Variants in SNX24 observed in about 807,000 individuals in gnomAD.
The protein encoded by SNX24 is sorting nexin 24, also known as sorting nexin-24.
Under a neutral mutation model 28.7 loss-of-function variants are expected in SNX24, and 22 were observed. The ratio of observed to expected loss-of-function variants is 0.77; its 90% CI spans 0.55 to 1.10. The LOEUF (loss-of-function observed/expected upper bound fraction) is 1.10. Among genes scored for constraint, SNX24 ranks in the 50% least tolerant of loss-of-function variants. The pLI, the probability that SNX24 is intolerant of heterozygous loss-of-function variation, is 0.00. For synonymous variants in SNX24, 69 were observed against 71.5 expected, an observed-to-expected ratio of 0.96 and a Z score of 0.18; for missense variants, 221 against 201.1, an observed-to-expected ratio of 1.10 and a Z score of -0.60.
At chr5:122,953,979 TG>T (rs1049084720) in intron 3 of SNX24, among the ~76,000 whole-genome samples, 2 of 152,182 alleles carry the variant, frequency 1.3e-5, no homozygotes, top group Non-Finnish European at 2.9e-5. Context: ...CCTGAGTTAC[TG>T]TCTTCACAAG....
At chr5:122,860,560 A>G (rs72796845) in intron 1 of SNX24, among the ~76,000 whole-genome samples, 24,240 of 152,134 alleles carry the variant, frequency 0.16, 2,368 homozygotes, top group East Asian at 0.36. Flanking sequence ...AGAGGTGCAT[A>G]CCACATTTCT....
intron 3 of SNX24, among the ~76,000 whole-genome samples, chr5:122,993,538 G>C (rs1841993): frequency 0.22 from 33,837 of 151,988 alleles, 4,776 homozygotes; most frequent in Non-Finnish European, 0.33. Context: ...TTGACCTGGT[G>C]ATCTGCCCGC....
At chr5:123,023,880 A>G in intron 5 of SNX24, 1 of 1,613,038 alleles carries the variant, frequency 6.2e-7, no homozygotes, top group Non-Finnish European at 8.5e-7. Flanking sequence ...TTGTGTCACC[A>G]ATCAGCGATC....
intron 1 of SNX24, among the ~76,000 whole-genome samples, chr5:122,911,576 T>C (rs1204051261): frequency 1.3e-5 from 2 of 149,678 alleles, no homozygotes; most frequent in Non-Finnish European, 3.0e-5. Flanking sequence ...ATGCCTAGGT[T>C]TTCTTCTAGG....
rs902772078 is a variant in SNX24, at chr5:122,994,994, G to T, written c.250-4918G>T. On this transcript the variant is annotated intron_variant, in intron 3 of 6. Coordinates refer to ENST00000261369, the MANE Select transcript of SNX24 (RefSeq NM_014035.4). ...TCTTTCATTTAACCCCATTTCCTAC[G>T]TGCACCATAATAATAACCTGATTTT... is the stretch of plus-strand genomic sequence containing the variant. Among the ~76,000 whole-genome samples the T allele has an allele frequency of 2.0e-5, 3 of 152,000 alleles. No individual in the cohort carries two copies. The East Asian group carries it at 5.8e-4, about 29-fold the overall frequency.
chr5:122,922,142 A>G (rs1467198176), intron 1 of SNX24, among the ~76,000 whole-genome samples: 1 of 152,222 alleles, frequency 6.6e-6, no homozygotes, highest in African/African-American at 2.4e-5. Flanking sequence ...TAGAAGAGGT[A>G]GTAGTTGGTT....
At chr5:122,904,958 C>T (rs1022830692) in intron 1 of SNX24, among the ~76,000 whole-genome samples, 14 of 152,218 alleles carry the variant, frequency 9.2e-5, no homozygotes, top group African/African-American at 3.4e-4. Flanking sequence ...CAGTCAGCTT[C>T]TAGCAGGCCT....
At chr5:122,874,380 A>G (rs1330416693) in intron 1 of SNX24, among the ~76,000 whole-genome samples, 2 of 152,200 alleles carry the variant, frequency 1.3e-5, no homozygotes, top group Admixed American at 1.3e-4. Context: ...CCCTGCCCAG[A>G]AGGACAGATA....
intron 3 of SNX24, among the ~76,000 whole-genome samples, chr5:122,989,158 G>A (rs952496254): frequency 8.5e-5 from 13 of 152,094 alleles, no homozygotes; most frequent in Admixed American, 2.6e-4. Flanking sequence ...ATGGGTTTAT[G>A]TGTTCTACCA....
At chr5:122,933,809 A>G (rs970857442) in intron 1 of SNX24, among the ~76,000 whole-genome samples, 2 of 150,714 alleles carry the variant, frequency 1.3e-5, no homozygotes, top group African/African-American at 4.9e-5. Context: ...TCCAGAGGCA[A>G]CACATTCAAC....
chr5:122,935,414 A>G (rs1759139496), intron 1 of SNX24, among the ~76,000 whole-genome samples: 1 of 152,198 alleles, frequency 6.6e-6, no homozygotes, highest in Admixed American at 6.5e-5. Flanking sequence ...AGTTTGAAGC[A>G]TATGCATATG....
intron 5 of SNX24, among the ~76,000 whole-genome samples, chr5:123,021,104 T>TCCCCCCCCCC (rs11407427): frequency 3.4e-5 from 5 of 146,544 alleles, no homozygotes; most frequent in Admixed American, 6.8e-5. Context: ...TCCACACAGT[T>TCCCCCCCCCC]CCCCCCCCGT....
At chr5:122,928,168 C>T (rs1251806777) in intron 1 of SNX24, among the ~76,000 whole-genome samples, 1 of 152,200 alleles carries the variant, frequency 6.6e-6, no homozygotes, top group African/African-American at 2.4e-5. Context: ...TAACTCTTGG[C>T]ACACAATGGT....
chr5:122,906,410 G>T (rs1313406928), intron 1 of SNX24, among the ~76,000 whole-genome samples: 1 of 152,196 alleles, frequency 6.6e-6, no homozygotes, highest in Non-Finnish European at 1.5e-5. Flanking sequence ...TTCCAGGTAG[G>T]CCTAGAACAG....
downstream of SNX24, among the ~76,000 whole-genome samples, chr5:123,010,271 C>T (rs1244822055): frequency 2.0e-5 from 3 of 151,850 alleles, no homozygotes; most frequent in Non-Finnish European, 2.9e-5. Context: ...CTCAGGAATG[C>T]ACATGGGAAA....
At position 122,854,717 on chromosome 5, in the gene SNX24, G is replaced by A. The variant is rs368950824; in HGVS notation, c.60+9024G>A. Among the ~76,000 whole-genome samples, 16 of 151,964 alleles carry A rather than the reference G, an allele frequency of 1.1e-4. 2 individuals carry two copies. The highest frequency in any genetic ancestry group is 3.9e-4 in the East Asian group (2 of 5,162). On this transcript the variant is annotated intron_variant, in intron 1 of 6. Transcript: ENST00000261369. Reference sequence around the variant, plus strand: ...ATATATCCTGGAGATCACTGCACAGGGACATATATGAAGATGTATCATTCT... The same window carrying A: ...ATATATCCTGGAGATCACTGCACAGAGACATATATGAAGATGTATCATTCT...
chr5:122,995,604 A>G (rs1762025421), intron 3 of SNX24, among the ~76,000 whole-genome samples: 1 of 151,762 alleles, frequency 6.6e-6, no homozygotes, highest in African/African-American at 2.4e-5. Context: ...ATAAACAGCT[A>G]CTCTCTGTCT....
chr5:123,027,982 T>A (rs45502101), intron 5 of SNX24, among the ~76,000 whole-genome samples: 2 of 152,338 alleles, frequency 1.3e-5, no homozygotes, highest in South Asian at 4.1e-4. Flanking sequence ...TTTATTGAAC[T>A]CCAACTTTGT....
At chr5:122,951,751 A>G (rs1759952040) in intron 3 of SNX24, among the ~76,000 whole-genome samples, 1 of 152,226 alleles carries the variant, frequency 6.6e-6, no homozygotes, top group Non-Finnish European at 1.5e-5. Flanking sequence ...GGAGCATGTG[A>G]GTGGATAGAG....
Sources: allele counts gnomAD v4.1 joint callset (sites outside exome capture counted in the v4.1 genomes callset), GRCh38; gene constraint gnomAD v4.1.1; transcripts MANE v1.5; gene names NCBI Gene and HGNC (gene_info 2026-07-23, HGNC 2026-07-21).